The following TLK1 variants were observed in gnomAD, a reference collection of about 807,000 sequenced individuals.
TLK1 encodes serine/threonine-protein kinase tousled-like 1.
A neutral mutation model predicts 105.3 loss-of-function variants in TLK1; 24 were observed. That is an observed-to-expected ratio of 0.23 (90% CI 0.17 to 0.32). The LOEUF is 0.32. Ranked by LOEUF, TLK1 falls within the 10% of genes least tolerant of loss-of-function variation. TLK1 has a pLI of 1.00. For missense variants in TLK1, 558 were observed against 910.5 expected (o/e 0.61, Z 4.98); for synonymous variants, 321 against 310.4 (o/e 1.03, Z -0.36).
chr2:171,051,278 C>T (rs1687224456), intron 8 of TLK1, among the ~76,000 whole-genome samples: 1 of 152,138 alleles, frequency 6.6e-6, no homozygotes, highest in Non-Finnish European at 1.5e-5. Flanking sequence ...TAACTATGAT[C>T]ACCCAAGCCT....
rs1486909396 is a variant in TLK1 at position 171,053,764 on chromosome 2, G to C, written c.729C>G (p.Leu243=). 1.9e-6 allele frequency: 3 copies of C among 1,601,818 alleles called. No homozygotes were observed. In the African/African-American group the frequency reaches 4.0e-5, roughly 22 times the overall value. Residue 243 remains leucine, a synonymous_variant, in exon 8 of 21, where the codon CTC becomes CTG. Transcript: ENST00000431350. Reference sequence around the variant, plus strand: ...CCCTCTATGACTCATTACTTACCCTGAGCAAATCATCTATACGTCCCTCCT... The same window carrying C: ...CCCTCTATGACTCATTACTTACCCTCAGCAAATCATCTATACGTCCCTCCT... ...EKKEGRIDDL[L]RANCDLRRQI... is the part of the protein sequence containing the mutation.
At position 171,006,981 on chromosome 2, in the gene TLK1, T is replaced by C; in HGVS notation, c.1499A>G (p.Asn500Ser). 6.2e-7 allele frequency: 1 copy of C among 1,608,686 alleles called. No homozygotes were observed. Among genetic ancestry groups the C allele is most frequent in the Non-Finnish European group, 8.5e-7 (1 of 1,178,476 alleles). The change falls in exon 15 of 21, where the codon AAC becomes AGC. Residue 500 changes from asparagine (N) to serine (S), a missense_variant. Physicochemically the swap from Asn to Ser is conservative, Grantham distance 46. Coordinates refer to ENST00000431350, the MANE Select transcript of TLK1 (RefSeq NM_012290.5). ...AAGTATTAGTATTTACTTGTGGTAG[T>C]TTTCTTTCTTCTCATCTCTCCAGCT... Reference protein sequence around the residue: ...NKSWRDEKKENYHKHACREYR... With the variant: ...NKSWRDEKKESYHKHACREYR...
chr2:171,182,802 T>G (rs949590485), intron 1 of TLK1, among the ~76,000 whole-genome samples: 1 of 150,822 alleles, frequency 6.6e-6, no homozygotes, highest in Non-Finnish European at 1.5e-5. Context: ...ATCCCTGTAG[T>G]CCCAGCTCAT....
intron 12 of TLK1, among the ~76,000 whole-genome samples, chr2:171,021,490 A>C (rs1285273789): frequency 1.9e-4 from 26 of 135,258 alleles, no homozygotes; most frequent in African/African-American, 6.9e-4. Flanking sequence ...AAGATTTCCA[A>C]CTCCTGGGCT....
chr2:171,217,235 A>G (rs1693732035), intron 1 of TLK1, among the ~76,000 whole-genome samples: 1 of 152,212 alleles, frequency 6.6e-6, no homozygotes, highest in Admixed American at 6.5e-5. Flanking sequence ...TTCTTCCAAC[A>G]TTTATGAAGG....
rs1471571710 is a variant in TLK1, at chr2:171,160,215, G to A, written c.139+75C>T. The A allele has an allele frequency of 1.7e-5, 22 of 1,260,478 alleles. No individual in the cohort carries two copies. Among genetic ancestry groups the A allele is most frequent in the Non-Finnish European group, 2.2e-5 (22 of 995,968 alleles). 78.1% of individuals were successfully genotyped at this position (1,260,478 alleles called of 1,614,324 possible). On this transcript the variant is annotated intron_variant, in intron 1 of 20. Transcript: ENST00000431350. This position sits in a 1 kb window ranked among gnomAD's most constrained non-coding sequence, Gnocchi z 4.4. Reference sequence around the variant, plus strand: ...GGCGGAGAAGCCCCGGGGCGGGGGGGGCGGGGGGGGGGCGCGGGGGTCCGC... The same window carrying A: ...GGCGGAGAAGCCCCGGGGCGGGGGGAGCGGGGGGGGGGCGCGGGGGTCCGC...
chr2:171,186,182 G>A (rs555041228), intron 1 of TLK1, among the ~76,000 whole-genome samples: 15 of 152,280 alleles, frequency 9.9e-5, no homozygotes, highest in African/African-American at 3.6e-4. Flanking sequence ...GAGTAGGAAT[G>A]GCATTGTTGG....
chr2:171,086,049 C>T (rs763401752), intron 2 of TLK1, among the ~76,000 whole-genome samples: 4 of 151,972 alleles, frequency 2.6e-5, no homozygotes, highest in Admixed American at 6.6e-5. Context: ...TTCGTATCTT[C>T]GAATTTCATA....
chr2:171,103,684 AC>A (rs1415355420), intron 2 of TLK1, among the ~76,000 whole-genome samples: 34 of 152,204 alleles, frequency 2.2e-4, no homozygotes, highest in Admixed American at 2.2e-3. Context: ...CTGTGTTAAT[AC>A]ATGCCTGGCT....
At chr2:171,186,214 C>T (rs1272922442) in intron 1 of TLK1, among the ~76,000 whole-genome samples, 1 of 152,150 alleles carries the variant, frequency 6.6e-6, no homozygotes, top group African/African-American at 2.4e-5. Flanking sequence ...AGGAATAATC[C>T]TCATCGAAAT....
intron 2 of TLK1, among the ~76,000 whole-genome samples, chr2:171,102,077 G>C (rs2105506545): frequency 6.6e-6 from 1 of 152,204 alleles, no homozygotes; most frequent in East Asian, 1.9e-4. Context: ...CTCACTCAAA[G>C]ATAACATTAT....
chr2:171,184,009 G>A (rs1692975271), intron 1 of TLK1, among the ~76,000 whole-genome samples: 1 of 152,188 alleles, frequency 6.6e-6, no homozygotes, highest in Non-Finnish European at 1.5e-5. Flanking sequence ...ATCCCAGATT[G>A]TCTGGGTGGG....
chr2:170,994,002 T>TTCTA, intron 20 of TLK1, 46 bp from the exon 21 acceptor site: 1 of 1,517,756 alleles, frequency 6.6e-7, no homozygotes, highest in East Asian at 2.4e-5. Context: ...TCTTTTTCCC[T>TTCTA]TCTAAATATC....
intron 3 of TLK1, among the ~76,000 whole-genome samples, chr2:171,080,151 C>G (rs1273555230): frequency 6.8e-6 from 1 of 148,050 alleles, no homozygotes; most frequent in African/African-American, 2.5e-5. Flanking sequence ...GAGACGAGAT[C>G]GCACCACTAC....
chr2:171,056,737 T>G (rs1687521977), intron 5 of TLK1, among the ~76,000 whole-genome samples, 171 bp from the exon 6 acceptor site: 1 of 151,208 alleles, frequency 6.6e-6, no homozygotes, highest in African/African-American at 2.4e-5. Context: ...CCTAAAAGAC[T>G]AAGAGACTAC....
At chr2:171,100,359 G>A (rs192980875) in intron 2 of TLK1, among the ~76,000 whole-genome samples, 21 of 152,232 alleles carry the variant, frequency 1.4e-4, no homozygotes, top group Non-Finnish European at 1.9e-4. Context: ...GAATGGCCTG[G>A]TGCAACTCTT....
Position 171,032,763 on chromosome 2 carries a change from T to C in TLK1, c.1170-4358A>G, listed in dbSNP as rs1686104289. 2.0e-5 allele frequency among the ~76,000 whole-genome samples: 3 copies of C among 152,052 alleles called. No individual in the cohort carries two copies. In the South Asian group the frequency reaches 6.2e-4, roughly 32 times the overall value. On this transcript the variant is annotated intron_variant, in intron 11 of 20. Coordinates refer to ENST00000431350, the MANE Select transcript of TLK1 (RefSeq NM_012290.5). ...TGACAAGAGTACCAAGACCACTCAA[T>C]GAGGAAAGAATAATCTCTTCAACAA...
intron 3 of TLK1, among the ~76,000 whole-genome samples, chr2:171,069,388 A>G (rs1272574795): frequency 6.6e-6 from 1 of 152,210 alleles, no homozygotes; most frequent in Non-Finnish European, 1.5e-5. Context: ...CTCCATTGGT[A>G]ACAGGCTAAA....
intron 11 of TLK1, among the ~76,000 whole-genome samples, chr2:171,043,326 T>C (rs771372337): frequency 3.5e-4 from 53 of 152,164 alleles, no homozygotes; most frequent in Non-Finnish European, 6.3e-4. Flanking sequence ...ATTAAGACAA[T>C]GGGTGAGAGT....
Sources: allele counts gnomAD v4.1 joint callset (sites outside exome capture counted in the v4.1 genomes callset), GRCh38; gene constraint gnomAD v4.1.1; non-coding constraint Gnocchi (gnomAD v3.1); transcripts MANE v1.5; gene names NCBI Gene and HGNC (gene_info 2026-07-23, HGNC 2026-07-21).